PCDHA3: variants seen among roughly 807,000 people sequenced by gnomAD.
PCDHA3 encodes the protein protocadherin alpha-3.
PCDHA3 carries 41 observed loss-of-function variants against 62.2 expected under a neutral mutation model. The observed-to-expected ratio is 0.66, with a 90% CI of 0.51 to 0.86. The LOEUF (loss-of-function observed/expected upper bound fraction) is 0.86. Among genes scored for constraint, PCDHA3 ranks in the 40% least tolerant of loss-of-function variants. The pLI is 0.00. For synonymous variants in PCDHA3, 640 were observed against 555.4 expected (o/e 1.15, Z -2.14); for missense variants, 1,304 against 1,241.2 (o/e 1.05, Z -0.76).
intron 1 of PCDHA3, among the ~76,000 whole-genome samples, chr5:140,897,713 A>C (rs2066278692): frequency 1.3e-5 from 2 of 152,302 alleles, no homozygotes; most frequent in East Asian, 3.9e-4. Flanking sequence ...CAGTAATGGG[A>C]TGGCTGGGTC....
At chr5:140,823,676 G>A (rs2150128163) in intron 1 of PCDHA3, 3 of 1,614,042 alleles carry the variant, frequency 1.9e-6, no homozygotes, top group Non-Finnish European at 2.5e-6. Context: ...AGCACAACAC[G>A]CTCTCTGGAT....
At chr5:140,864,310 A>G (rs2048415201) in intron 1 of PCDHA3, 1 of 152,166 alleles carries the variant, frequency 6.6e-6, no homozygotes, top group African/African-American at 2.4e-5. Flanking sequence ...TACCATGACA[A>G]TATTTAATAT....
At chr5:140,951,544 G>C (rs543008494) in intron 1 of PCDHA3, among the ~76,000 whole-genome samples, 1 of 151,878 alleles carries the variant, frequency 6.6e-6, no homozygotes, top group African/African-American at 2.4e-5. Context: ...AGCAAGGGAC[G>C]GGGGGAAGTG....
Position 140,827,946 on chromosome 5 carries a change from T to C in PCDHA3, c.2394+24355T>C, listed in dbSNP as rs1769465051. ...ACCATGAAGTTATAGCTAGCCAACA[T>C]TCAAATTTCTTCTATTACTGCATCA... On this transcript the variant is annotated intron_variant, in intron 1 of 3. Coordinates refer to ENST00000522353, the MANE Select transcript of PCDHA3 (RefSeq NM_018906.3). The C allele has an allele frequency of 9.0e-6, 11 of 1,225,792 alleles. No individual in the cohort carries two copies. In the South Asian group the frequency reaches 1.3e-4, roughly 15 times the overall value. 75.9% of individuals were successfully genotyped at this position (1,225,792 alleles called of 1,614,324 possible).
At chr5:140,907,591 C>T (rs539639384) in intron 1 of PCDHA3, among the ~76,000 whole-genome samples, 10 of 152,294 alleles carry the variant, frequency 6.6e-5, no homozygotes, top group African/African-American at 2.4e-4. Flanking sequence ...GGCTGATCAC[C>T]CTGAGGAATG....
In PCDHA3 at chr5:140,803,322, A is replaced by C. The variant is rs1190601909; in HGVS notation, c.2125A>C (p.Ser709Arg). The C allele has an allele frequency of 1.9e-5, 30 of 1,614,136 alleles. No homozygotes were observed. Among genetic ancestry groups the C allele is most frequent in the Non-Finnish European group, 2.5e-5 (30 of 1,179,990 alleles). Residue 709 changes from serine to arginine, a missense_variant, in exon 1 of 4, where the codon AGT (serine) becomes CGT (arginine). By Grantham distance (110) the Ser-to-Arg change is moderately radical. Transcript: ENST00000522353. ...GATCGTCGCCATCTGCGCGGTGTCC[A>C]GTCTGTTGGTGCTCACACTGCTGCT... ...YLIVAICAVS[S>R]LLVLTLLLYT...
At chr5:140,922,135 C>T (rs550862927) in intron 1 of PCDHA3, among the ~76,000 whole-genome samples, 3 of 152,092 alleles carry the variant, frequency 2.0e-5, no homozygotes, top group African/African-American at 7.2e-5. Context: ...TGTCTCTTAT[C>T]CTCCATGAAA....
intron 1 of PCDHA3, among the ~76,000 whole-genome samples, chr5:140,955,559 A>G (rs1220948022): frequency 6.6e-6 from 1 of 152,164 alleles, no homozygotes; most frequent in African/African-American, 2.4e-5. Flanking sequence ...CTCCCCAGCC[A>G]TACTGAACTG....
intron 1 of PCDHA3, among the ~76,000 whole-genome samples, chr5:140,963,054 T>G (rs1554226381): frequency 6.6e-6 from 1 of 152,174 alleles, no homozygotes; most frequent in Non-Finnish European, 1.5e-5. Flanking sequence ...TATAAGGGTT[T>G]CTACATTGTG....
intron 1 of PCDHA3, chr5:140,927,755 C>T (rs1388061408): frequency 6.2e-7 from 1 of 1,614,196 alleles, no homozygotes; most frequent in South Asian, 1.1e-5. Flanking sequence ...CACGTGCACC[C>T]TAAAAGTGGG....
chr5:140,993,449 C>T (rs2097557237), intron 3 of PCDHA3, among the ~76,000 whole-genome samples: 1 of 144,318 alleles, frequency 6.9e-6, no homozygotes, highest in Non-Finnish European at 1.5e-5. Context: ...TTCCTGTTCT[C>T]CTTCTTTCTT....
chr5:140,837,476 A>G (rs1775072155), intron 1 of PCDHA3, among the ~76,000 whole-genome samples: 1 of 151,156 alleles, frequency 6.6e-6, no homozygotes, highest in African/African-American at 2.4e-5. Flanking sequence ...TCAAACCCCA[A>G]ACCATTTACT....
At chr5:140,810,968 ATTG>A (rs1373114679) in intron 1 of PCDHA3, 1 of 151,940 alleles carries the variant, frequency 6.6e-6, no homozygotes, top group Non-Finnish European at 1.5e-5. Context: ...TATTTTTATC[ATTG>A]TTGTGAGGTA....
intron 1 of PCDHA3, among the ~76,000 whole-genome samples, chr5:140,940,172 C>T (rs1177302028): frequency 6.6e-6 from 1 of 152,102 alleles, no homozygotes; most frequent in Non-Finnish European, 1.5e-5. Flanking sequence ...AAATGTCATT[C>T]TTGATAGATA....
intron 1 of PCDHA3, among the ~76,000 whole-genome samples, chr5:140,897,416 T>C (rs1233824796): frequency 6.9e-6 from 1 of 145,554 alleles, no homozygotes; most frequent in African/African-American, 2.5e-5. Flanking sequence ...TCAATTCCCA[T>C]CTATGAGTGA....
At chr5:140,949,826 T>G (rs954476311) in intron 1 of PCDHA3, among the ~76,000 whole-genome samples, 2 of 151,922 alleles carry the variant, frequency 1.3e-5, no homozygotes, top group Non-Finnish European at 2.9e-5. Flanking sequence ...ATTTGTCCCC[T>G]CTGATTTTGT....
intron 1 of PCDHA3, chr5:140,966,378 G>A: frequency 2.5e-6 from 1 of 405,124 alleles, no homozygotes; most frequent in African/African-American, 2.1e-5. Flanking sequence ...AGCAGTCCGG[G>A]TTCGCTGTCC....
At chr5:140,954,722 G>A (rs1554221565) in intron 1 of PCDHA3, among the ~76,000 whole-genome samples, 1 of 152,092 alleles carries the variant, frequency 6.6e-6, no homozygotes, top group African/African-American at 2.4e-5. Context: ...TCTGTAGGTT[G>A]TCTTTTCACT....
chr5:141,009,132 G>GA (rs1172401436), intron 3 of PCDHA3, among the ~76,000 whole-genome samples: 11 of 152,202 alleles, frequency 7.2e-5, no homozygotes, highest in African/African-American at 2.4e-4. Flanking sequence ...GTATCCTGGT[G>GA]AAAAAACCTG....
Sources: gnomAD v4.1 joint callset for allele counts (sites outside exome capture counted in the v4.1 genomes callset) on GRCh38, gnomAD v4.1.1 for gene constraint, MANE v1.5 for transcripts, NCBI Gene and HGNC (gene_info 2026-07-23, HGNC 2026-07-21) for gene names.